The following GRK3 variants were observed in gnomAD, a reference collection of about 807,000 sequenced individuals.
GRK3 encodes the protein adrenergic, beta, receptor kinase 2.
GRK3 carries 54 observed loss-of-function variants against 95.7 expected under a neutral mutation model. The ratio of observed to expected loss-of-function variants is 0.56; its 90% CI spans 0.45 to 0.71. GRK3 has a LOEUF of 0.71. Among genes scored for constraint, GRK3 ranks in the 30% least tolerant of loss-of-function variants. GRK3 has a pLI of 0.00. For synonymous variants in GRK3, 281 were observed against 290.8 expected (o/e 0.97, Z 0.34); for missense variants, 649 against 851.2 (o/e 0.76, Z 2.96).
chr22:25,705,739 C>A (rs565199792), intron 15 of GRK3, among the ~76,000 whole-genome samples: 2 of 152,310 alleles, frequency 1.3e-5, no homozygotes, highest in Non-Finnish European at 2.9e-5. Context: ...TGATTGGCAT[C>A]ATCTCACCCA....
At chr22:25,658,686 C>T (rs1236585594) in intron 3 of GRK3, among the ~76,000 whole-genome samples, 1 of 152,134 alleles carries the variant, frequency 6.6e-6, no homozygotes, top group Admixed American at 6.6e-5. Flanking sequence ...TGACCAGAAG[C>T]AGAGCCTGAG....
At chr22:25,602,555 C>G (rs1160505593) in intron 1 of GRK3, among the ~76,000 whole-genome samples, 3 of 152,084 alleles carry the variant, frequency 2.0e-5, no homozygotes, top group African/African-American at 4.8e-5. Flanking sequence ...AGAAACAACC[C>G]AAATGTCTGT....
chr22:25,627,844 G>A (rs959213597), intron 2 of GRK3, among the ~76,000 whole-genome samples: 1 of 152,170 alleles, frequency 6.6e-6, no homozygotes, highest in Non-Finnish European at 1.5e-5. Context: ...AGGCATTTCT[G>A]TCAACGCCAG....
At chr22:25,587,911 T>G (rs1932370300) in intron 1 of GRK3, among the ~76,000 whole-genome samples, 1 of 152,234 alleles carries the variant, frequency 6.6e-6, no homozygotes. Flanking sequence ...ATAAGTCCAA[T>G]TAAACCCTGT....
intron 1 of GRK3, among the ~76,000 whole-genome samples, chr22:25,569,194 C>A (rs865938374): frequency 6.6e-6 from 1 of 152,302 alleles, no homozygotes; most frequent in Middle Eastern, 3.4e-3. Flanking sequence ...AGAAAGTATT[C>A]CTTATTATTG....
At chr22:25,646,280 T>C (rs891193438) in intron 3 of GRK3, among the ~76,000 whole-genome samples, 5 of 152,074 alleles carry the variant, frequency 3.3e-5, no homozygotes, top group Admixed American at 3.3e-4. Context: ...ATGGACAAAA[T>C]AGATGAAGGG....
chr22:25,680,949 G>GT (rs200567822), intron 9 of GRK3, among the ~76,000 whole-genome samples: 367 of 139,418 alleles, frequency 2.6e-3, no homozygotes, highest in East Asian at 3.3e-3. Flanking sequence ...TTACTGGAAG[G>GT]TTTTTTTTTT....
intron 2 of GRK3, among the ~76,000 whole-genome samples, chr22:25,630,978 A>C (rs1215200705): frequency 6.6e-6 from 1 of 152,230 alleles, no homozygotes; most frequent in African/African-American, 2.4e-5. Flanking sequence ...TGTAGAGTTA[A>C]ATAAAAATAA....
intron 15 of GRK3, 44 bp downstream of exon 15, chr22:25,704,253 A>C (rs2085282267): frequency 4.2e-6 from 6 of 1,438,740 alleles, no homozygotes; most frequent in Non-Finnish European, 5.8e-6. Context: ...CCAGAAGAGC[A>C]AAATAGTGAT....
At chr22:25,716,284 G>A (rs1321598926) in intron 18 of GRK3, among the ~76,000 whole-genome samples, 2 of 152,140 alleles carry the variant, frequency 1.3e-5, no homozygotes, top group African/African-American at 2.4e-5. Flanking sequence ...CACTGCGCCC[G>A]GCCATAAGCT....
intron 1 of GRK3, among the ~76,000 whole-genome samples, chr22:25,575,944 GC>G (rs1379829926): frequency 1.3e-5 from 2 of 152,324 alleles, no homozygotes; most frequent in Non-Finnish European, 2.9e-5. Flanking sequence ...CACATAATCA[GC>G]CAAGTCTGCC....
Position 25,726,912 on chromosome 22 carries a change from CGTGTGT to C in GRK3, c.*4502_*4507del, listed in dbSNP as rs3223258. On this transcript the variant is annotated 3_prime_UTR_variant, in exon 21 of 21. Coordinates refer to ENST00000324198, the MANE Select transcript of GRK3 (RefSeq NM_005160.4). ...TTACCAGGCCATCTCCAAAACACCC[CGTGTGT>C]GTGTGTGTGTGTGTGTGTGTGTGTG... The C allele has an allele frequency of 0.046, 6,414 of 137,948 alleles. 226 individuals carry two copies. Among genetic ancestry groups the C allele is most frequent in the African/African-American group, 0.098 (3,617 of 36,918 alleles). 8.5% of individuals were successfully genotyped at this position (137,948 alleles called of 1,614,324 possible). A position where few individuals can be genotyped will look rare whatever the true frequency, so the allele number is the denominator to read the frequency against.
Position 25,687,682 on chromosome 22 carries a change from CA to C in GRK3, c.957+16del, listed in dbSNP as rs778770417. ...GAGATTTGAAGGTGAGGACGATTGA[CA>C]GACTCATTCTGCATAGTAGGTATTG... On this transcript the variant is annotated intron_variant, in intron 11 of 20. Coordinates refer to ENST00000324198, the MANE Select transcript of GRK3 (RefSeq NM_005160.4). 2 of 1,613,878 alleles carry C rather than the reference CA, an allele frequency of 1.2e-6. No individual in the cohort carries two copies. Among genetic ancestry groups the C allele is most frequent in the South Asian group, 2.2e-5 (2 of 91,040 alleles).
intron 1 of GRK3, among the ~76,000 whole-genome samples, chr22:25,576,615 G>A (rs1340005387): frequency 1.3e-5 from 2 of 152,170 alleles, no homozygotes; most frequent in African/African-American, 4.8e-5. Context: ...TCAGGTTCAG[G>A]GAGAAGCTAA....
intron 19 of GRK3, among the ~76,000 whole-genome samples, chr22:25,720,303 A>G (rs918034146): frequency 1.3e-5 from 2 of 152,158 alleles, no homozygotes; most frequent in Non-Finnish European, 2.9e-5. Flanking sequence ...CATAATATGC[A>G]TGAGCAGATT....
intron 2 of GRK3, among the ~76,000 whole-genome samples, chr22:25,632,756 T>G (rs1332413785): frequency 6.6e-6 from 1 of 152,224 alleles, no homozygotes; most frequent in African/African-American, 2.4e-5. Context: ...AAGGCTTTCT[T>G]CTCATTGAAT....
At chr22:25,648,681 C>T in intron 3 of GRK3, 1 of 1,036,096 alleles carries the variant, frequency 9.7e-7, no homozygotes, top group Non-Finnish European at 1.5e-6. Flanking sequence ...ATTCAATTTC[C>T]TTAAGGAAGG....
chr22:25,682,326 C>T (rs2085081337), intron 9 of GRK3, among the ~76,000 whole-genome samples: 1 of 152,072 alleles, frequency 6.6e-6, no homozygotes, highest in East Asian at 1.9e-4. Context: ...ATATGGGACC[C>T]ATCTGGGTTT....
intron 7 of GRK3, among the ~76,000 whole-genome samples, chr22:25,673,714 C>T (rs936762299): frequency 3.9e-5 from 6 of 152,052 alleles, no homozygotes; most frequent in East Asian, 3.9e-4. Flanking sequence ...TATTGTCTTA[C>T]GGCCTCTTAC....
Sources: gnomAD v4.1 joint callset for allele counts (sites outside exome capture counted in the v4.1 genomes callset) on GRCh38, gnomAD v4.1.1 for gene constraint, MANE v1.5 for transcripts, NCBI Gene and HGNC (gene_info 2026-07-23, HGNC 2026-07-21) for gene names.